The following CCDC102B variants were observed in gnomAD, a reference collection of about 807,000 sequenced individuals.
CCDC102B encodes the protein coiled-coil domain containing 102B, also known as coiled-coil domain-containing protein 102B.
Under a neutral mutation model 57.4 loss-of-function variants are expected in CCDC102B, and 75 were observed. The ratio of observed to expected loss-of-function variants is 1.31; its 90% confidence interval spans 1.08 to 1.58. The LOEUF (loss-of-function observed/expected upper bound fraction) is 1.58. CCDC102B is among the 40% of genes most tolerant of loss of function. The pLI, the probability that CCDC102B is intolerant of heterozygous loss-of-function variation, is 0.00. For missense variants in CCDC102B, 636 were observed against 582.6 expected (o/e 1.09, Z -0.94); for synonymous variants, 206 against 201.9 (o/e 1.02, Z -0.17).
At chr18:69,003,440 C>A (rs1036612656) in intron 6 of CCDC102B, among the ~76,000 whole-genome samples, 7 of 152,102 alleles carry the variant, frequency 4.6e-5, no homozygotes, top group Non-Finnish European at 1.0e-4. Context: ...TTCTCCTCAA[C>A]TCTCTACCCA....
intron 2 of CCDC102B, among the ~76,000 whole-genome samples, chr18:68,773,453 C>T (rs1352731853): frequency 1.3e-5 from 2 of 151,920 alleles, no homozygotes; most frequent in East Asian, 3.9e-4. Context: ...TTTTCCATAA[C>T]ACAGTTTTAT....
At chr18:68,851,674 G>C (rs1055257361) in intron 4 of CCDC102B, among the ~76,000 whole-genome samples, 19 of 152,030 alleles carry the variant, frequency 1.2e-4, no homozygotes, top group Non-Finnish European at 2.8e-4. Context: ...GAAAAAGAGA[G>C]GTTAAGTTAA....
At chr18:69,041,698 A>G (rs958223474) in intron 7 of CCDC102B, among the ~76,000 whole-genome samples, 1 of 151,892 alleles carries the variant, frequency 6.6e-6, no homozygotes, top group African/African-American at 2.4e-5. Context: ...AGTCTATCTT[A>G]TGAATTTTTT....
At chr18:68,721,522 T>C (rs1381549251) in intron 2 of CCDC102B, 1 of 152,138 alleles carries the variant, frequency 6.6e-6, no homozygotes, top group Non-Finnish European at 1.5e-5. Flanking sequence ...GCTTGTGAGC[T>C]TCATCCAGAA....
At chr18:68,843,451 T>G (rs889449655) in intron 3 of CCDC102B, among the ~76,000 whole-genome samples, 1 of 152,154 alleles carries the variant, frequency 6.6e-6, no homozygotes, top group Non-Finnish European at 1.5e-5. Flanking sequence ...TTGAGTAATA[T>G]TCTTGTCTAG....
intron 2 of CCDC102B, among the ~76,000 whole-genome samples, chr18:68,787,110 G>C (rs1393059425): frequency 6.6e-6 from 1 of 150,424 alleles, no homozygotes; most frequent in African/African-American, 2.5e-5. Context: ...CTTTGGTTCT[G>C]TTTATATGCT....
At chr18:68,954,849 A>G (rs1028286432) in intron 6 of CCDC102B, among the ~76,000 whole-genome samples, 1 of 152,204 alleles carries the variant, frequency 6.6e-6, no homozygotes, top group African/African-American at 2.4e-5. Context: ...CCTGACTTGA[A>G]TATTTGCAAT....
At chr18:69,022,220 T>A (rs867917182) in intron 7 of CCDC102B, among the ~76,000 whole-genome samples, 1 of 67,406 alleles carries the variant, frequency 1.5e-5, no homozygotes, top group African/African-American at 5.3e-5. Flanking sequence ...TATATATATA[T>A]ATAACACACA....
intron 5 of CCDC102B, among the ~76,000 whole-genome samples, chr18:68,879,370 G>A (rs1252473532): frequency 6.6e-6 from 1 of 152,128 alleles, no homozygotes; most frequent in African/African-American, 2.4e-5. Context: ...TGTGGAAGGG[G>A]ACTCGAGCGG....
chr18:68,856,274 CTTT>C (rs1191849045), intron 4 of CCDC102B, among the ~76,000 whole-genome samples: 1 of 151,890 alleles, frequency 6.6e-6, no homozygotes, highest in Non-Finnish European at 1.5e-5. Flanking sequence ...GTAAAACATG[CTTT>C]TCTTCCAAAT....
chr18:68,945,353 A>T (rs1472023388), intron 6 of CCDC102B, among the ~76,000 whole-genome samples: 1 of 152,120 alleles, frequency 6.6e-6, no homozygotes, highest in African/African-American at 2.4e-5. Context: ...CTGTCAGTGT[A>T]ACCAAATGCA....
intron 2 of CCDC102B, among the ~76,000 whole-genome samples, chr18:68,749,545 A>C (rs1357079817): frequency 1.3e-5 from 2 of 152,114 alleles, no homozygotes; most frequent in Non-Finnish European, 2.9e-5. Flanking sequence ...GCAATTGTGA[A>C]TGGGAGTTCA....
intron 6 of CCDC102B, among the ~76,000 whole-genome samples, chr18:68,970,469 A>G (rs2050271434): frequency 6.6e-6 from 1 of 151,534 alleles, no homozygotes; most frequent in Non-Finnish European, 1.5e-5. Flanking sequence ...AGAATTTTCT[A>G]TTTTATGTGA....
chr18:68,985,395 A>C (rs1402442956), intron 6 of CCDC102B, among the ~76,000 whole-genome samples: 1 of 152,070 alleles, frequency 6.6e-6, no homozygotes, highest in Non-Finnish European at 1.5e-5. Context: ...TAAAACGTAC[A>C]CTCTGTATTT....
intron 1 of CCDC102B, among the ~76,000 whole-genome samples, chr18:68,834,162 G>A (rs2037263573): frequency 6.6e-6 from 1 of 152,018 alleles, no homozygotes. Flanking sequence ...TTAGTCAGAT[G>A]TGAAAAAATA....
chr18:68,974,499 T>C (rs2050382953), intron 6 of CCDC102B, among the ~76,000 whole-genome samples: 1 of 152,092 alleles, frequency 6.6e-6, no homozygotes, highest in Non-Finnish European at 1.5e-5. Context: ...CCACCTTTTT[T>C]TCTATGGCAT....
intron 5 of CCDC102B, among the ~76,000 whole-genome samples, chr18:68,886,495 A>G (rs1470530683): frequency 1.3e-5 from 2 of 152,168 alleles, no homozygotes; most frequent in African/African-American, 2.4e-5. Flanking sequence ...CATGGAAGAA[A>G]TCTTCAATTG....
intron 7 of CCDC102B, among the ~76,000 whole-genome samples, chr18:69,028,573 G>A (rs1291114986): frequency 6.6e-6 from 1 of 151,960 alleles, no homozygotes; most frequent in Non-Finnish European, 1.5e-5. Flanking sequence ...TGGAGGTGAG[G>A]CAGATATCTT....
chr18:68,738,113 A>G (rs750659306), intron 2 of CCDC102B, among the ~76,000 whole-genome samples: 3 of 152,132 alleles, frequency 2.0e-5, no homozygotes, highest in Non-Finnish European at 2.9e-5. Flanking sequence ...CCCTGTATCT[A>G]CAAAGCCTAC....
Sources: allele counts gnomAD v4.1 joint callset (sites outside exome capture counted in the v4.1 genomes callset), GRCh38; gene constraint gnomAD v4.1.1; transcripts MANE v1.5; gene names NCBI Gene and HGNC (gene_info 2026-07-23, HGNC 2026-07-21).